Variants in ERGIC2 observed in about 807,000 individuals in gnomAD.
ERGIC2 encodes ERGIC and golgi 2.
A neutral mutation model predicts 52.5 loss-of-function variants in ERGIC2; 31 were observed. That is an observed-to-expected ratio of 0.59 (90% CI 0.44 to 0.80). The LOEUF (loss-of-function observed/expected upper bound fraction) is 0.80, where lower values mean the gene tolerates loss of function less well. Ranked by LOEUF, ERGIC2 falls within the 30% of genes least tolerant of loss-of-function variation. The pLI, the probability that ERGIC2 is intolerant of heterozygous loss-of-function variation, is 0.00. For missense variants in ERGIC2, 395 were observed against 455.2 expected, an observed-to-expected ratio of 0.87 and a Z score of 1.20; for synonymous variants, 129 against 140.6, an observed-to-expected ratio of 0.92 and a Z score of 0.58.
intron 6 of ERGIC2, among the ~76,000 whole-genome samples, chr12:29,358,408 C>T (rs1264491869): frequency 1.3e-5 from 2 of 152,114 alleles, no homozygotes; most frequent in African/African-American, 4.8e-5. Flanking sequence ...AGGCAGAGCA[C>T]AGATAATTTT....
At chr12:29,346,193 C>CTT (rs869281697) in intron 10 of ERGIC2, among the ~76,000 whole-genome samples, 2 of 140,458 alleles carry the variant, frequency 1.4e-5, no homozygotes, top group Non-Finnish European at 3.1e-5. Context: ...TTTCTTTTTC[C>CTT]TTTTTTTTTT....
chr12:29,349,269 A>C, intron 9 of ERGIC2, 92 bp from the exon 10 acceptor site: 2 of 502,548 alleles, frequency 4.0e-6, no homozygotes, highest in Middle Eastern at 4.0e-4. Context: ...ATCTATTCTC[A>C]AATGAAAATG....
At chr12:29,353,148 G>A (rs2136859684) in intron 8 of ERGIC2, among the ~76,000 whole-genome samples, 1 of 152,250 alleles carries the variant, frequency 6.6e-6, no homozygotes, top group Admixed American at 6.5e-5. Flanking sequence ...AATGATTAGG[G>A]AAATGTATTA....
rs1421076359 is a variant in ERGIC2 at position 29,340,988 on chromosome 12, T to C, written c.*168A>G. The C allele has an allele frequency of 4.8e-6, 3 of 627,226 alleles. No homozygotes were observed. Among genetic ancestry groups the C allele is most frequent in the Non-Finnish European group, 8.5e-6 (3 of 351,286 alleles). 38.9% of individuals were successfully genotyped at this position (627,226 alleles called of 1,614,324 possible). A position where few individuals can be genotyped will look rare whatever the true frequency, so the allele number is the denominator to read the frequency against. Reference sequence around the variant, plus strand: ...CGACATTTGTAACAGACACAACGTATATAGAATTTCAGTTTGGGTTTTTTT... The same window carrying C: ...CGACATTTGTAACAGACACAACGTACATAGAATTTCAGTTTGGGTTTTTTT... On this transcript the variant is annotated 3_prime_UTR_variant, in exon 14 of 14. Transcript: ENST00000360150.
At position 29,337,560 on chromosome 12, in the gene ERGIC2, T is replaced by C. The variant is rs760758633; in HGVS notation, c.*3596A>G. ...TATGGGGGGGATACATGGATCTTGA[T>C]CCGGGCATTTTACCATAAGGTAGTA... is the stretch of plus-strand genomic sequence containing the variant. On this transcript the variant is annotated 3_prime_UTR_variant, in exon 14 of 14. Coordinates refer to ENST00000360150, the MANE Select transcript of ERGIC2 (RefSeq NM_016570.3). 3.9e-5 allele frequency: 6 copies of C among 152,184 alleles called. No homozygotes were observed. The highest frequency in any genetic ancestry group is 7.4e-5 in the Non-Finnish European group (5 of 68,024). The allele number at this position is 152,184 out of a possible 1,614,324, so 9.4% of individuals were successfully genotyped here. A position where few individuals can be genotyped will look rare whatever the true frequency, so the allele number is the denominator to read the frequency against.
At chr12:29,361,728 C>A in intron 5 of ERGIC2, 43 bp from the exon 6 acceptor site, 1 of 1,516,766 alleles carries the variant, frequency 6.6e-7, no homozygotes, top group Admixed American at 2.0e-5. Context: ...GTCAAATTCT[C>A]TTGGCTTTTA....
intron 10 of ERGIC2, among the ~76,000 whole-genome samples, chr12:29,348,661 T>C (rs1397982132): frequency 6.6e-6 from 1 of 151,988 alleles, no homozygotes; most frequent in Non-Finnish European, 1.5e-5. Flanking sequence ...GAGAGGTTTC[T>C]GAAATGATAT....
chr12:29,372,672 T>G (rs1156770016), intron 1 of ERGIC2, among the ~76,000 whole-genome samples: 1 of 151,796 alleles, frequency 6.6e-6, no homozygotes, highest in African/African-American at 2.4e-5. Flanking sequence ...TTTCTTTTTT[T>G]GAGACAGGAT....
intron 1 of ERGIC2, chr12:29,372,503 T>G (rs9651802): frequency 0.38 from 58,252 of 151,968 alleles, 12,737 homozygotes; most frequent in African/African-American, 0.61. Flanking sequence ...ATTGAGGAAT[T>G]TATCCTATGA....
intron 8 of ERGIC2, among the ~76,000 whole-genome samples, chr12:29,350,643 G>GTT (rs1940118440): frequency 6.6e-6 from 1 of 151,978 alleles, no homozygotes; most frequent in African/African-American, 2.4e-5. Context: ...TTATAAACAT[G>GTT]TTATTATATT....
chr12:29,362,001 G>C (rs1483446570), intron 5 of ERGIC2, among the ~76,000 whole-genome samples: 1 of 152,130 alleles, frequency 6.6e-6, no homozygotes. Context: ...TTTAAATGAT[G>C]CTAGCATGAA....
chr12:29,373,762 G>A (rs1158979828), intron 1 of ERGIC2, among the ~76,000 whole-genome samples: 1 of 152,052 alleles, frequency 6.6e-6, no homozygotes, highest in Admixed American at 6.6e-5. Flanking sequence ...CATGCACTTA[G>A]TATTCGAAAG....
chr12:29,371,828 C>A (rs2136879443), intron 1 of ERGIC2, among the ~76,000 whole-genome samples, 158 bp from the exon 2 acceptor site: 1 of 152,166 alleles, frequency 6.6e-6, no homozygotes, highest in African/African-American at 2.4e-5. Context: ...TACTCCTTTC[C>A]CCATTCATGC....
chr12:29,341,882 A>G (rs950763953), intron 12 of ERGIC2, 66 bp from the exon 13 acceptor site: 2 of 772,944 alleles, frequency 2.6e-6, no homozygotes, highest in African/African-American at 3.5e-5. Context: ...ATAAATAACT[A>G]TAATGGAATA....
intron 6 of ERGIC2, among the ~76,000 whole-genome samples, chr12:29,358,835 C>T (rs1286057035): frequency 3.3e-5 from 5 of 151,976 alleles, no homozygotes; most frequent in Admixed American, 1.3e-4. Context: ...AAAACTTATG[C>T]ATCATCTATC....
chr12:29,354,474 G>A (rs942678136), intron 8 of ERGIC2, among the ~76,000 whole-genome samples: 5 of 152,098 alleles, frequency 3.3e-5, no homozygotes, highest in East Asian at 1.9e-4. Flanking sequence ...GTGTATTCAC[G>A]CTCAAGCATA....
intron 1 of ERGIC2, among the ~76,000 whole-genome samples, chr12:29,374,751 A>G (rs1287069129): frequency 6.6e-6 from 1 of 152,170 alleles, no homozygotes; most frequent in African/African-American, 2.4e-5. Flanking sequence ...CTTCAGGCCT[A>G]CTGAGAAATT....
At chr12:29,352,358 A>G (rs12581107) in intron 8 of ERGIC2, among the ~76,000 whole-genome samples, 46,127 of 152,108 alleles carry the variant, frequency 0.3, 8,783 homozygotes, top group Admixed American at 0.45. Flanking sequence ...TTATTTTCAA[A>G]TATTTAAAAA....
At position 29,341,155 on chromosome 12, in the gene ERGIC2, G is replaced by C. The variant is rs1197351220; in HGVS notation, c.*1C>G. On this transcript the variant is annotated 3_prime_UTR_variant, in exon 14 of 14. Coordinates refer to ENST00000360150, the MANE Select transcript of ERGIC2 (RefSeq NM_016570.3). ...AGTTTTTCTCCTTCAATCGGGAGGT[G>C]TTAATGTGTATTATTTTCTAAAAGA... 6 of 1,605,480 alleles carry C rather than the reference G, an allele frequency of 3.7e-6. No homozygotes were observed. The highest frequency in any genetic ancestry group is 5.1e-6 in the Non-Finnish European group (6 of 1,174,498).
Sources: gnomAD v4.1 joint callset for allele counts (sites outside exome capture counted in the v4.1 genomes callset) on GRCh38, gnomAD v4.1.1 for gene constraint, MANE v1.5 for transcripts, NCBI Gene and HGNC (gene_info 2026-07-23, HGNC 2026-07-21) for gene names.